Variants in ARHGEF26 observed in about 807,000 individuals in gnomAD.
The protein encoded by ARHGEF26 is Rho guanine nucleotide exchange factor (GEF) 26.
Under a neutral mutation model 89.4 loss-of-function variants are expected in ARHGEF26, and 59 were observed. The observed-to-expected ratio is 0.66, with a 90% CI of 0.54 to 0.82. ARHGEF26 has a LOEUF of 0.82. Among genes scored for constraint, ARHGEF26 ranks in the 40% least tolerant of loss-of-function variants. The pLI is 0.00. For missense variants in ARHGEF26, 1,234 were observed against 1,085.6 expected (o/e 1.14, Z -1.92); for synonymous variants, 500 against 428.4 (o/e 1.17, Z -2.06).
intron 6 of ARHGEF26, among the ~76,000 whole-genome samples, chr3:154,153,697 C>G (rs1028273639): frequency 1.2e-4 from 18 of 151,968 alleles, no homozygotes; most frequent in Non-Finnish European, 2.2e-4. Context: ...TGTTCCCTGG[C>G]CACCTGAAAC....
chr3:154,249,051 G>A (rs140881016), intron 12 of ARHGEF26, among the ~76,000 whole-genome samples: 4 of 152,320 alleles, frequency 2.6e-5, no homozygotes, highest in African/African-American at 9.6e-5. Flanking sequence ...TGTGTAGGCT[G>A]TAAAAAGAAA....
intron 9 of ARHGEF26, among the ~76,000 whole-genome samples, chr3:154,197,155 G>A (rs1216748387): frequency 6.6e-6 from 1 of 152,096 alleles, no homozygotes; most frequent in Non-Finnish European, 1.5e-5. Flanking sequence ...TGTCATTCCA[G>A]TGACTTGCTT....
At chr3:154,197,281 A>G (rs1714351665) in intron 9 of ARHGEF26, among the ~76,000 whole-genome samples, 2 of 152,204 alleles carry the variant, frequency 1.3e-5, no homozygotes, top group Admixed American at 1.3e-4. Context: ...AGTCAGCTCA[A>G]TAATTAATCT....
chr3:154,217,754 A>T (rs1715857716), intron 9 of ARHGEF26, 115 bp from the exon 10 acceptor site: 9 of 757,868 alleles, frequency 1.2e-5, no homozygotes, highest in Non-Finnish European at 2.0e-5. Context: ...GTTCTCTGTC[A>T]GAAATGAATC....
chr3:154,252,150 C>G (rs1718196348), intron 12 of ARHGEF26, among the ~76,000 whole-genome samples: 1 of 151,996 alleles, frequency 6.6e-6, no homozygotes, highest in Non-Finnish European at 1.5e-5. Context: ...GAGTTTTTTT[C>G]CCCAGGTGTT....
intron 3 of ARHGEF26, among the ~76,000 whole-genome samples, chr3:154,129,169 A>G (rs562187160): frequency 1.3e-5 from 2 of 152,144 alleles, no homozygotes; most frequent in East Asian, 1.9e-4. Flanking sequence ...TTTGTTTTCC[A>G]TTTTACTCTC....
rs771323300 is a variant in ARHGEF26 at position 154,121,947 on chromosome 3, ACTAACTCGGTGTTGCTCCT to A, written c.-44_-26del. The A allele has an allele frequency of 2.5e-5, 39 of 1,542,890 alleles. 1 individual carries two copies. The Middle Eastern group carries it at 3.9e-3, about 155-fold the overall frequency. ...CTAACTTCTTTCCTCTTTAGGCAAG[ACTAACTCGGTGTTGCTCCT>A]CCCGGCGCTGACTTCGAGGCCCGGC... On this transcript the variant is annotated 5_prime_UTR_variant, in exon 2 of 15. Coordinates refer to ENST00000465093, the MANE Select transcript of ARHGEF26 (RefSeq NM_015595.4).
Position 154,122,311 on chromosome 3 carries a change from C to A in ARHGEF26, c.319C>A (p.Arg107=). The stretch of plus-strand genomic sequence containing the variant: ...CCCGGAGTACAGGGCTGCCTCTCCT[C>A]GACTTCGACGGCCCAAGTCACCCAA... The part of the protein sequence containing the change: ...ASPEYRAASP[R]LRRPKSPKLP... Residue 107 remains arginine, a synonymous_variant, in exon 2 of 15, where the codon CGA becomes AGA. Coordinates refer to ENST00000465093, the MANE Select transcript of ARHGEF26 (RefSeq NM_015595.4). 1 of 1,612,792 alleles carries A rather than the reference C, an allele frequency of 6.2e-7. No homozygotes were observed. Among genetic ancestry groups the A allele is most frequent in the Non-Finnish European group, 8.5e-7 (1 of 1,179,834 alleles).
chr3:154,129,499 A>C (rs1014781635), intron 3 of ARHGEF26, 75 bp from the exon 4 acceptor site: 3 of 1,491,616 alleles, frequency 2.0e-6, no homozygotes, highest in African/African-American at 2.8e-5. Flanking sequence ...CATTGGGTAC[A>C]TATGATGTTT....
intron 9 of ARHGEF26, among the ~76,000 whole-genome samples, chr3:154,216,496 T>TA (rs1715744368): frequency 3.2e-5 from 1 of 31,144 alleles, no homozygotes; most frequent in South Asian, 3.9e-3. Flanking sequence ...TTTTTTATTT[T>TA]TTTTTATTTT....
chr3:154,209,236 T>C (rs1715219263), intron 9 of ARHGEF26, among the ~76,000 whole-genome samples: 2 of 152,188 alleles, frequency 1.3e-5, no homozygotes, highest in East Asian at 1.9e-4. Context: ...AAGTCACATA[T>C]GTGTGTTTCT....
chr3:154,224,923 A>G (rs1217947143), intron 10 of ARHGEF26, among the ~76,000 whole-genome samples: 1 of 151,938 alleles, frequency 6.6e-6, no homozygotes, highest in East Asian at 1.9e-4. Context: ...ATTTTTAATC[A>G]TTATTTCCTG....
intron 12 of ARHGEF26, among the ~76,000 whole-genome samples, chr3:154,241,953 C>G (rs1445165702): frequency 6.6e-6 from 1 of 152,132 alleles, no homozygotes; most frequent in African/African-American, 2.4e-5. Context: ...ACAGATGAGC[C>G]TAGGAGAAGG....
At chr3:154,135,335 T>A (rs983278803) in intron 4 of ARHGEF26, among the ~76,000 whole-genome samples, 7 of 152,168 alleles carry the variant, frequency 4.6e-5, no homozygotes. Context: ...ATTTATCCAT[T>A]TCTTCTCGAT....
In ARHGEF26 at chr3:154,246,460, T is replaced by A. The variant is rs1576826557; in HGVS notation, c.2300+5881T>A. ...TACCAGCCTGGTATGTAGGAAGCAG[T>A]TTGACATTTCTGAGGCATCAAAACT... On this transcript the variant is annotated intron_variant, in intron 12 of 14. Coordinates refer to ENST00000465093, the MANE Select transcript of ARHGEF26 (RefSeq NM_015595.4). 2.6e-5 allele frequency among the ~76,000 whole-genome samples: 4 copies of A among 152,276 alleles called. No homozygotes were observed. In the South Asian group the frequency reaches 8.3e-4, roughly 32 times the overall value.
At chr3:154,241,886 C>G (rs917419347) in intron 12 of ARHGEF26, among the ~76,000 whole-genome samples, 2 of 152,198 alleles carry the variant, frequency 1.3e-5, no homozygotes, top group African/African-American at 4.8e-5. Context: ...AGGGGATATT[C>G]TTGCCAAATT....
chr3:154,201,020 CTTTAAG>C (rs1263075381), intron 9 of ARHGEF26, among the ~76,000 whole-genome samples: 2 of 151,002 alleles, frequency 1.3e-5, no homozygotes, highest in Non-Finnish European at 2.9e-5. Flanking sequence ...TTTTATTATA[CTTTAAG>C]TTTTAGGGTA....
chr3:154,133,466 C>T (rs1718810033), intron 4 of ARHGEF26, among the ~76,000 whole-genome samples: 1 of 151,548 alleles, frequency 6.6e-6, no homozygotes, highest in African/African-American at 2.4e-5. Context: ...AGAAATAAGG[C>T]TGCACACCTA....
rs974143380 is a variant in ARHGEF26 at position 154,141,128 on chromosome 3, A to AT, written c.1270-8251dup. 2.8e-3 allele frequency among the ~76,000 whole-genome samples: 419 copies of AT among 147,968 alleles called. 2 individuals are homozygous for AT. The highest frequency in any genetic ancestry group is 8.5e-3 in the African/African-American group (345 of 40,390). On this transcript the variant is annotated intron_variant, in intron 4 of 14. Transcript: ENST00000465093. The stretch of plus-strand genomic sequence containing the variant: ...AGGCGGCTGCCACCTTGCCCGGCTG[A>AT]TTTTTTTTTTGTATTTTTAGTAGAG...
Sources: gnomAD v4.1 joint callset for allele counts (sites outside exome capture counted in the v4.1 genomes callset) on GRCh38, gnomAD v4.1.1 for gene constraint, MANE v1.5 for transcripts, NCBI Gene and HGNC (gene_info 2026-07-23, HGNC 2026-07-21) for gene names.